CACNA1D: variants seen among roughly 807,000 people sequenced by gnomAD.
CACNA1D encodes the protein voltage-dependent L-type calcium channel subunit alpha-1D.
CACNA1D carries 55 observed loss-of-function variants against 257.1 expected under a neutral mutation model. The ratio of observed to expected loss-of-function variants is 0.21; its 90% confidence interval spans 0.17 to 0.27. The LOEUF is 0.27. Ranked by LOEUF, CACNA1D falls within the 10% of genes least tolerant of loss-of-function variation. CACNA1D has a pLI of 1.00. For missense variants in CACNA1D, 1,876 were observed against 2,784.0 expected, an observed-to-expected ratio of 0.67 and a Z score of 7.34; for synonymous variants, 980 against 1,014.9, an observed-to-expected ratio of 0.97 and a Z score of 0.65.
At chr3:53,728,826 A>G (rs1326765687) in intron 15 of CACNA1D, among the ~76,000 whole-genome samples, 2 of 152,212 alleles carry the variant, frequency 1.3e-5, no homozygotes, top group Admixed American at 6.5e-5. Flanking sequence ...AGTGCCTGAC[A>G]CATTGGAGGT....
intron 3 of CACNA1D, among the ~76,000 whole-genome samples, chr3:53,632,155 A>G (rs538959969): frequency 6.6e-6 from 1 of 152,358 alleles, no homozygotes; most frequent in South Asian, 2.1e-4. Flanking sequence ...TTTTGTCTAC[A>G]TGAAAATCTG....
intron 3 of CACNA1D, among the ~76,000 whole-genome samples, chr3:53,539,802 T>C (rs1316729411): frequency 6.6e-6 from 1 of 152,248 alleles, no homozygotes; most frequent in Non-Finnish European, 1.5e-5. Flanking sequence ...GAAAGTGATA[T>C]CTGACTGTGA....
chr3:53,786,938 A>G lies in CACNA1D; in HGVS notation c.4909A>G (p.Thr1637Ala), dbSNP rs2095456882. The stretch of plus-strand genomic sequence containing the variant: ...GGGAAAGTACCCTGCGAAGAACACC[A>G]CAATTGCCCTACAGGTGAATTGTTG... ...LVGKYPAKNT[T>A]IALQAGLRTL... The change falls in exon 40 of 48, where the codon ACA (threonine) becomes GCA (alanine). Residue 1637 changes from threonine to alanine, a missense_variant. Thr to Ala is a moderately conservative substitution (Grantham distance 58). Around this residue, in one of 10 missense-constraint regions of CACNA1D, gnomAD observed 160 missense variants for 236.6 expected, o/e 0.68. Transcript: ENST00000350061. 1 of 1,614,146 alleles carries G rather than the reference A, an allele frequency of 6.2e-7. No homozygotes were observed. Among genetic ancestry groups the G allele is most frequent in the Non-Finnish European group, 8.5e-7 (1 of 1,179,972 alleles).
intron 3 of CACNA1D, among the ~76,000 whole-genome samples, chr3:53,634,703 G>A (rs2093861415): frequency 6.6e-6 from 1 of 152,196 alleles, no homozygotes; most frequent in Admixed American, 6.5e-5. Context: ...GACAGCAGGT[G>A]CTGAGTGCAA....
chr3:53,722,573 C>A, intron 12 of CACNA1D, 99 bp downstream of exon 12: 2 of 1,212,578 alleles, frequency 1.6e-6, no homozygotes, highest in Non-Finnish European at 2.4e-6. Context: ...GATGAAGTAT[C>A]GCAACATTTC....
At chr3:53,731,030 A>G (rs1454493212) in intron 16 of CACNA1D, 47 bp from the exon 17 acceptor site, 3 of 1,138,674 alleles carry the variant, frequency 2.6e-6, no homozygotes, top group East Asian at 4.7e-5. Context: ...TTTTATACAG[A>G]GTAACATGGT....
chr3:53,770,282 A>G, intron 31 of CACNA1D, 142 bp from the exon 32 acceptor site: 2 of 881,616 alleles, frequency 2.3e-6, no homozygotes, highest in South Asian at 1.4e-5. Flanking sequence ...TTCCTTTCAT[A>G]TCATGCTTTT....
Position 53,673,857 on chromosome 3 carries a change from C to T in CACNA1D, c.1220+731C>T, listed in dbSNP as rs745507355. On this transcript the variant is annotated intron_variant, in intron 8 of 47. Transcript: ENST00000350061. This position sits in a 1 kb window ranked among gnomAD's most constrained non-coding sequence, Gnocchi z 4.1. ...CGTGTTGCACCTTCTCCTGCTGCCACGTGTGAGGCAACTCTGCGTGTCTCC... is the reference window on the plus strand; with the variant it reads ...CGTGTTGCACCTTCTCCTGCTGCCATGTGTGAGGCAACTCTGCGTGTCTCC... 15 of 1,279,386 alleles carry T rather than the reference C, an allele frequency of 1.2e-5. No individual in the cohort carries two copies. The highest frequency in any genetic ancestry group is 4.6e-5 in the East Asian group (2 of 43,494). 79.3% of individuals were successfully genotyped at this position (1,279,386 alleles called of 1,614,324 possible). A position where few individuals can be genotyped will look rare whatever the true frequency, so the allele number is the denominator to read the frequency against.
At chr3:53,764,509 G>T (rs1344984160) in intron 30 of CACNA1D, among the ~76,000 whole-genome samples, 1 of 152,196 alleles carries the variant, frequency 6.6e-6, no homozygotes, top group Non-Finnish European at 1.5e-5. Context: ...CTTAGCTTCC[G>T]GGCACCAGGA....
chr3:53,722,134 A>T (rs559122180), intron 11 of CACNA1D, among the ~76,000 whole-genome samples, 180 bp from the exon 12 acceptor site: 1 of 152,256 alleles, frequency 6.6e-6, no homozygotes, highest in Non-Finnish European at 1.5e-5. Context: ...TTTTAAGACC[A>T]ACATAATTTT....
chr3:53,524,006 A>G (rs2091673392), intron 3 of CACNA1D, among the ~76,000 whole-genome samples: 1 of 151,896 alleles, frequency 6.6e-6, no homozygotes, highest in Admixed American at 6.6e-5. Context: ...TTTTAGGAGA[A>G]CTCCCTTTTG....
intron 3 of CACNA1D, among the ~76,000 whole-genome samples, chr3:53,548,181 T>C (rs2092452839): frequency 6.6e-6 from 1 of 152,166 alleles, no homozygotes. Context: ...CTTTCTCCCC[T>C]GAAAGATCAC....
At chr3:53,717,792 A>T (rs1163215001) in intron 9 of CACNA1D, among the ~76,000 whole-genome samples, 1 of 152,146 alleles carries the variant, frequency 6.6e-6, no homozygotes, top group African/African-American at 2.4e-5. Flanking sequence ...ACTCTAAAAA[A>T]TGTTGTGCAT....
chr3:53,740,723 A>G (rs934884837), intron 21 of CACNA1D, among the ~76,000 whole-genome samples: 1 of 152,004 alleles, frequency 6.6e-6, no homozygotes, highest in African/African-American at 2.4e-5. Flanking sequence ...GTGGTTGAGA[A>G]TTACATTTTG....
rs545805030 is a variant in CACNA1D, at chr3:53,534,471, C to T, written c.483+32751C>T. 9.2e-5 allele frequency among the ~76,000 whole-genome samples: 14 copies of T among 152,340 alleles called. No individual in the cohort carries two copies. In the East Asian group the frequency reaches 2.1e-3, roughly 23 times the overall value. On this transcript the variant is annotated intron_variant, in intron 3 of 47. Transcript: ENST00000350061. ...AGAAAGACGGAGTCTGCATAACCTC[C>T]GCATCTTCCTGCCTGGGAGGGCGGC...
chr3:53,539,678 A>G (rs1425692352), intron 3 of CACNA1D, among the ~76,000 whole-genome samples: 2 of 152,190 alleles, frequency 1.3e-5, no homozygotes, highest in Admixed American at 1.3e-4. Context: ...CTTCTTTCCA[A>G]TGTGTCATGC....
Position 53,749,262 on chromosome 3 carries a change from C to T in CACNA1D, c.3315-6C>T. ...GCAGGTCCTCACTTGGTTTTTCTCT[C>T]TCTAGGTTGCTGTATAAAGCCATCG... is the stretch of plus-strand genomic sequence containing the variant. On this transcript the variant is annotated splice_region_variant and splice_polypyrimidine_tract_variant and intron_variant, in intron 26 of 47. Coordinates refer to ENST00000350061, the MANE Select transcript of CACNA1D (RefSeq NM_001128840.3). 6.2e-7 allele frequency: 1 copy of T among 1,611,570 alleles called. No individual in the cohort carries two copies. The highest frequency in any genetic ancestry group is 8.5e-7 in the Non-Finnish European group (1 of 1,177,706).
At chr3:53,580,169 A>G (rs1203637273) in intron 3 of CACNA1D, among the ~76,000 whole-genome samples, 3 of 152,192 alleles carry the variant, frequency 2.0e-5, no homozygotes, top group Admixed American at 1.3e-4. Flanking sequence ...TGAAAAAATG[A>G]GAGTGCTTTC....
intron 8 of CACNA1D, among the ~76,000 whole-genome samples, chr3:53,688,891 G>C (rs2094495761): frequency 6.6e-6 from 1 of 152,164 alleles, no homozygotes; most frequent in Non-Finnish European, 1.5e-5. Flanking sequence ...CAGTGGGTGA[G>C]AGTACACCAC....
Sources: gnomAD v4.1 joint callset for allele counts (sites outside exome capture counted in the v4.1 genomes callset) on GRCh38, gnomAD v4.1.1 for gene constraint, gnomAD v4.1.1 regional missense constraint, Gnocchi (gnomAD v3.1) non-coding constraint, MANE v1.5 for transcripts, NCBI Gene and HGNC (gene_info 2026-07-23, HGNC 2026-07-21) for gene names.